Variants in SPG11 observed in about 807,000 individuals in gnomAD.
The protein encoded by SPG11 is SPG11 vesicle trafficking associated, spatacsin, also known as spatacsin.
In SPG11, 222 loss-of-function variants were observed where a neutral mutation model predicts 274.0. The observed-to-expected ratio is 0.81, with a 90% CI of 0.73 to 0.91. The LOEUF (loss-of-function observed/expected upper bound fraction) is 0.91. SPG11 is among the 40% of genes least tolerant of loss of function. The pLI is 0.00. For synonymous variants in SPG11, 1,144 were observed against 1,039.7 expected, an observed-to-expected ratio of 1.10 and a Z score of -1.93; for missense variants, 3,114 against 2,872.7, an observed-to-expected ratio of 1.08 and a Z score of -1.92.
Position 44,596,364 on chromosome 15 carries a change from C to A in SPG11, c.4162-9G>T. 6.2e-7 allele frequency: 1 copy of A among 1,613,940 alleles called. No individual in the cohort carries two copies. The highest frequency in any genetic ancestry group is 1.1e-5 in the South Asian group (1 of 91,078). On this transcript the variant is annotated splice_polypyrimidine_tract_variant and intron_variant, in intron 24 of 39. Transcript: ENST00000261866. ...TGGATAAGGGATTTCACCTAGAAGG[C>A]ATATCAGATGATTAAACAGAAACCC... is the stretch of plus-strand genomic sequence containing the variant.
Position 44,652,216 on chromosome 15 carries a change from A to C in SPG11, c.920T>G (p.Ile307Ser). The C allele has an allele frequency of 6.2e-7, 1 of 1,614,126 alleles. No homozygotes were observed. The highest frequency in any genetic ancestry group is 1.1e-5 in the South Asian group (1 of 91,078). The change falls in exon 5 of 40, where the codon ATT becomes AGT. Residue 307 changes from isoleucine to serine, a missense_variant. Transcript: ENST00000261866. ...TTCATCTACGCCCTTAGGTCCTTGAATAGGAAGATCTTCTAGTATTCTTTC... is the reference window on the plus strand; with the variant it reads ...TTCATCTACGCCCTTAGGTCCTTGACTAGGAAGATCTTCTAGTATTCTTTC... The part of the protein sequence containing the change: ...LCERILEDLP[I>S]QGPKGVDEDD...
chr15:44,645,347 T>C (rs552650313), intron 7 of SPG11, among the ~76,000 whole-genome samples: 14 of 152,200 alleles, frequency 9.2e-5, no homozygotes, highest in Non-Finnish European at 1.8e-4. Flanking sequence ...TCCACAAAGT[T>C]GACAAAAACA....
At chr15:44,599,721 AT>A (rs2083135729) in intron 21 of SPG11, among the ~76,000 whole-genome samples, 2 of 152,256 alleles carry the variant, frequency 1.3e-5, no homozygotes, top group African/African-American at 4.8e-5. Flanking sequence ...TTTGTTAATT[AT>A]AAAACAAACC....
intron 7 of SPG11, 99 bp from the exon 8 acceptor site, chr15:44,633,736 A>G (rs2084152996): frequency 7.7e-7 from 1 of 1,291,642 alleles, no homozygotes; most frequent in Admixed American, 2.0e-5. Context: ...TAATGTGGTG[A>G]GACTACAGGA....
chr15:44,584,693 G>A lies in SPG11; in HGVS notation c.5122-135C>T, dbSNP rs561051058. ...ACCCAGGCTGGAGAGCAGTGGTGGC[G>A]ATCACAGCACACTGCAGCCTCAACC... On this transcript the variant is annotated intron_variant, in intron 29 of 39. Coordinates refer to ENST00000261866, the MANE Select transcript of SPG11 (RefSeq NM_025137.4). 1.9e-3 allele frequency: 1,966 copies of A among 1,058,200 alleles called. 7 individuals carry two copies. The highest frequency in any genetic ancestry group is 2.3e-3 in the Non-Finnish European group (1,655 of 712,450). 65.6% of individuals were successfully genotyped at this position (1,058,200 alleles called of 1,614,324 possible).
At chr15:44,563,481 T>C (rs1178877091) in intron 39 of SPG11, among the ~76,000 whole-genome samples, 180 bp from the exon 40 acceptor site, 1 of 151,714 alleles carries the variant, frequency 6.6e-6, no homozygotes, top group South Asian at 2.1e-4. Flanking sequence ...TGGGATTACA[T>C]GAGTGTGTCA....
intron 4 of SPG11, among the ~76,000 whole-genome samples, chr15:44,655,704 G>A (rs2084920820): frequency 1.3e-5 from 2 of 152,164 alleles, no homozygotes; most frequent in South Asian, 4.1e-4. Flanking sequence ...TAGGCTATTA[G>A]TAGTTAAGTT....
chr15:44,570,734 A>G, intron 33 of SPG11, 76 bp from the exon 34 acceptor site: 3 of 1,563,284 alleles, frequency 1.9e-6, no homozygotes, highest in Non-Finnish European at 2.6e-6. Flanking sequence ...GGCAGGAGGG[A>G]AAAAGGGCCT....
rs770884409 is a variant in SPG11, at chr15:44,598,380, G to A, written c.3893-7C>T. On this transcript the variant is annotated splice_region_variant and splice_polypyrimidine_tract_variant and intron_variant, in intron 22 of 39. Transcript: ENST00000261866. ...AGTTTAGATAGTTTTTCGGCTGTAA[G>A]AAATATAAACAACAAAATATGGTGA... 9 of 1,610,492 alleles carry A rather than the reference G, an allele frequency of 5.6e-6. No individual in the cohort carries two copies. The highest frequency in any genetic ancestry group is 5.3e-5 in the African/African-American group (4 of 74,856).
At chr15:44,585,877 C>T (rs1164502815) in intron 28 of SPG11, 27 bp from the exon 29 acceptor site, 2 of 1,596,440 alleles carry the variant, frequency 1.3e-6, no homozygotes, top group African/African-American at 1.3e-5. Context: ...AGGATATAAA[C>T]ATTTAGTCAA....
At chr15:44,620,663 T>C in intron 14 of SPG11, 1 of 412,276 alleles carries the variant, frequency 2.4e-6, no homozygotes, top group East Asian at 5.0e-5. Context: ...GCTGCCCAAG[T>C]AGCAGGGACT....
At chr15:44,598,572 T>C (rs942386716) in intron 22 of SPG11, 59 bp downstream of exon 22, 7 of 1,510,478 alleles carry the variant, frequency 4.6e-6, no homozygotes, top group Non-Finnish European at 6.4e-6. Context: ...CACAATTCAA[T>C]GCCTTAGACC....
intron 27 of SPG11, among the ~76,000 whole-genome samples, chr15:44,592,082 G>A (rs1035820618): frequency 2.7e-5 from 4 of 150,174 alleles, no homozygotes; most frequent in South Asian, 2.1e-4. Flanking sequence ...CCGCACTCCA[G>A]CCTGGGCGAC....
At chr15:44,611,090 GTAAAA>G (rs2083448536) in intron 17 of SPG11, 105 bp from the exon 18 acceptor site, 1 of 24,750 alleles carries the variant, frequency 4.0e-5, no homozygotes, top group South Asian at 7.5e-4. Flanking sequence ...TCTATCCCCA[GTAAAA>G]AAAAAAAAAA....
intron 30 of SPG11, among the ~76,000 whole-genome samples, chr15:44,577,661 C>T (rs2082568264): frequency 6.6e-6 from 1 of 152,124 alleles, no homozygotes; most frequent in Admixed American, 6.6e-5. Context: ...CTGTGTCTTT[C>T]CCACTGAATT....
At chr15:44,564,198 G>A (rs2082262247) in intron 39 of SPG11, among the ~76,000 whole-genome samples, 1 of 152,104 alleles carries the variant, frequency 6.6e-6, no homozygotes. Flanking sequence ...TCACCATGTT[G>A]GCAAGGCTGG....
At chr15:44,635,595 C>CAAAAAAAAAAAAAAAAA (rs56776994) in intron 7 of SPG11, among the ~76,000 whole-genome samples, 3 of 54,082 alleles carry the variant, frequency 5.5e-5, no homozygotes, top group Non-Finnish European at 1.1e-4. Flanking sequence ...AACCCTGTCT[C>CAAAAAAAAAAAAAAAAA]AAAAAAAAAA....
chr15:44,568,578 G>A (rs2082354173), intron 35 of SPG11, among the ~76,000 whole-genome samples: 2 of 152,348 alleles, frequency 1.3e-5, no homozygotes, highest in Non-Finnish European at 2.9e-5. Context: ...GGCTTGCAGA[G>A]CCCAAGACTT....
chr15:44,643,747 A>G (rs560628112), intron 7 of SPG11, among the ~76,000 whole-genome samples: 55 of 152,270 alleles, frequency 3.6e-4, no homozygotes, highest in African/African-American at 1.3e-3. Flanking sequence ...GAAAAGCCAA[A>G]AAAACTGAGG....
Sources: allele counts gnomAD v4.1 joint callset (sites outside exome capture counted in the v4.1 genomes callset), GRCh38; gene constraint gnomAD v4.1.1; transcripts MANE v1.5; gene names NCBI Gene and HGNC (gene_info 2026-07-23, HGNC 2026-07-21).